PPARGC1B: variants seen among roughly 807,000 people sequenced by gnomAD.
PPARGC1B encodes peroxisome proliferator-activated receptor gamma coactivator 1-beta.
A neutral mutation model predicts 101.6 loss-of-function variants in PPARGC1B; 34 were observed. The observed-to-expected ratio is 0.33, with a 90% confidence interval of 0.25 to 0.45. The LOEUF is 0.45. Among genes scored for constraint, PPARGC1B ranks in the 20% least tolerant of loss-of-function variants. The pLI, the probability that PPARGC1B is intolerant of heterozygous loss-of-function variation, is 1.00. For missense variants in PPARGC1B, 1,234 were observed against 1,317.6 expected, an observed-to-expected ratio of 0.94 and a Z score of 0.98; for synonymous variants, 548 against 539.3, an observed-to-expected ratio of 1.02 and a Z score of -0.22.
In PPARGC1B at chr5:149,730,684, C is replaced by T. The variant is rs1349416841; in HGVS notation, c.78+264C>T. On this transcript the variant is annotated intron_variant, in intron 1 of 11. Transcript: ENST00000309241. The surrounding 1 kb of genome is among the most constrained non-coding windows in gnomAD (Gnocchi z 4.0). ...CTTGGCCGCTTGGAGTCTGCCACCCCGCGGGCAAAACTGGGGGGTACCGCG... is the reference window on the plus strand; with the variant it reads ...CTTGGCCGCTTGGAGTCTGCCACCCTGCGGGCAAAACTGGGGGGTACCGCG... Among the ~76,000 whole-genome samples, 3 of 152,162 alleles carry T rather than the reference C, an allele frequency of 2.0e-5. No individual in the cohort carries two copies. Among genetic ancestry groups the T allele is most frequent in the Admixed American group, 1.3e-4 (2 of 15,292 alleles).
chr5:149,819,950 A>G (rs1441308978), intron 1 of PPARGC1B, among the ~76,000 whole-genome samples: 2 of 152,218 alleles, frequency 1.3e-5, no homozygotes, highest in East Asian at 3.8e-4. Flanking sequence ...ATATATTCCT[A>G]TAAAATTCCT....
chr5:149,771,861 A>G, intron 1 of PPARGC1B: 1 of 512,908 alleles, frequency 1.9e-6, no homozygotes, highest in Non-Finnish European at 3.2e-6. Flanking sequence ...CCAGGAAGTA[A>G]ATATCCCCAC....
At chr5:149,830,403 G>C (rs1561603044) in intron 3 of PPARGC1B, among the ~76,000 whole-genome samples, 1 of 151,156 alleles carries the variant, frequency 6.6e-6, no homozygotes, top group Non-Finnish European at 1.5e-5. Context: ...TTGTGTGTAT[G>C]TGTGTGTGTG....
intron 1 of PPARGC1B, among the ~76,000 whole-genome samples, chr5:149,766,458 A>C (rs965482518): frequency 6.6e-6 from 1 of 152,216 alleles, no homozygotes; most frequent in East Asian, 1.9e-4. Flanking sequence ...TATTAGTGTC[A>C]TGTATTTCAA....
At chr5:149,758,891 G>A (rs1027762251) in intron 1 of PPARGC1B, among the ~76,000 whole-genome samples, 1 of 152,016 alleles carries the variant, frequency 6.6e-6, no homozygotes. Context: ...CAATAACGGT[G>A]GTTCATATAA....
intron 1 of PPARGC1B, among the ~76,000 whole-genome samples, chr5:149,817,027 C>A (rs1247902805): frequency 6.6e-6 from 1 of 152,184 alleles, no homozygotes; most frequent in Non-Finnish European, 1.5e-5. Flanking sequence ...CCATTTCCTC[C>A]ATCCCCCACC....
intron 1 of PPARGC1B, among the ~76,000 whole-genome samples, chr5:149,740,452 A>C (rs1410267430): frequency 1.3e-5 from 2 of 152,134 alleles, no homozygotes; most frequent in Non-Finnish European, 2.9e-5. Flanking sequence ...CGAGGCCCTG[A>C]GGTTCTTCTT....
chr5:149,838,014 T>C (rs1197877047), intron 8 of PPARGC1B, among the ~76,000 whole-genome samples: 2 of 152,026 alleles, frequency 1.3e-5, no homozygotes, highest in African/African-American at 4.8e-5. Context: ...TTCCAACAAG[T>C]CCCCAGGTGA....
intron 1 of PPARGC1B, among the ~76,000 whole-genome samples, chr5:149,781,027 A>G (rs1756578423): frequency 6.6e-6 from 1 of 152,142 alleles, no homozygotes; most frequent in African/African-American, 2.4e-5. Context: ...AACATGGTGA[A>G]ACCCCCATCT....
In PPARGC1B at chr5:149,832,974, C is replaced by A; in HGVS notation, c.901C>A (p.Gln301Lys). 1 of 1,613,470 alleles carries A rather than the reference C, an allele frequency of 6.2e-7. No homozygotes were observed. Among genetic ancestry groups the A allele is most frequent in the Non-Finnish European group, 8.5e-7 (1 of 1,180,016 alleles). Residue 301 changes from glutamine to lysine, a missense_variant, in exon 5 of 12, where the codon CAG becomes AAG. Coordinates refer to ENST00000309241, the MANE Select transcript of PPARGC1B (RefSeq NM_133263.4). This position sits in a 1 kb window ranked among gnomAD's most constrained non-coding sequence, Gnocchi z 4.9. ...CTACATGCACACCTACTGCCTCCCC[C>A]AGAGGAAGCTGCCCCCACAGACCCC... ...IRYMHTYCLP[Q>K]RKLPPQTPEP...
chr5:149,760,381 C>G (rs576804144), intron 1 of PPARGC1B, among the ~76,000 whole-genome samples: 1 of 152,344 alleles, frequency 6.6e-6, no homozygotes, highest in African/African-American at 2.4e-5. Context: ...TTTTGACCAA[C>G]TCACCTGGAT....
chr5:149,800,349 G>A (rs1024145393), intron 1 of PPARGC1B, among the ~76,000 whole-genome samples: 7 of 152,200 alleles, frequency 4.6e-5, no homozygotes, highest in South Asian at 4.1e-4. Context: ...GGTGGTCATT[G>A]CAGGTCGCTA....
chr5:149,769,596 T>C (rs1756048759), intron 1 of PPARGC1B, among the ~76,000 whole-genome samples: 1 of 152,172 alleles, frequency 6.6e-6, no homozygotes, highest in Non-Finnish European at 1.5e-5. Context: ...GAATGGGGGC[T>C]GTAGTGACTT....
intron 1 of PPARGC1B, among the ~76,000 whole-genome samples, chr5:149,785,915 C>CTTT (rs10622982): frequency 1.2e-4 from 17 of 140,394 alleles, no homozygotes; most frequent in Non-Finnish European, 1.4e-4. Context: ...GACACTCATT[C>CTTT]TTTTTTTTTT....
At position 149,767,692 on chromosome 5, in the gene PPARGC1B, A is replaced by G. The variant is rs558641203; in HGVS notation, c.78+37272A>G. On this transcript the variant is annotated intron_variant, in intron 1 of 11. Transcript: ENST00000309241. ...CTGAACATTCTCACTGGGGTATCCC[A>G]TTCCCTTTGGACATCTGGCAGGATC... Among the ~76,000 whole-genome samples, 5 of 152,212 alleles carry G rather than the reference A, an allele frequency of 3.3e-5. No individual in the cohort carries two copies. In the East Asian group the frequency reaches 7.7e-4, roughly 24 times the overall value.
rs866021538 is a variant in PPARGC1B at position 149,835,431 on chromosome 5, A to T, written c.1807+66A>T. On this transcript the variant is annotated intron_variant, in intron 7 of 11. Transcript: ENST00000309241. ...ACACCCGTGCATCTCTGAGTTTTTCATCATGCATGGGCAAGGTGCCACGCA... is the reference window on the plus strand; with the variant it reads ...ACACCCGTGCATCTCTGAGTTTTTCTTCATGCATGGGCAAGGTGCCACGCA... 2.1e-6 allele frequency: 3 copies of T among 1,428,714 alleles called. 1 individual carries two copies. Among genetic ancestry groups the T allele is most frequent in the Middle Eastern group, 3.5e-4 (2 of 5,714 alleles). The allele number at this position is 1,428,714 out of a possible 1,614,324, so 88.5% of individuals were successfully genotyped here.
intron 1 of PPARGC1B, among the ~76,000 whole-genome samples, chr5:149,761,051 T>C (rs952330169): frequency 2.0e-5 from 3 of 152,190 alleles, no homozygotes; most frequent in Non-Finnish European, 4.4e-5. Context: ...GCAGACTGCT[T>C]GGGGTCTAAT....
At chr5:149,756,017 C>T (rs1755508436) in intron 1 of PPARGC1B, among the ~76,000 whole-genome samples, 1 of 152,116 alleles carries the variant, frequency 6.6e-6, no homozygotes, top group South Asian at 2.1e-4. Context: ...CCTTGCTCTG[C>T]CCTCGTTTGC....
chr5:149,832,632 A>C lies in PPARGC1B; in HGVS notation c.583-24A>C, dbSNP rs1581108827. On this transcript the variant is annotated intron_variant, in intron 4 of 11. Transcript: ENST00000309241. The surrounding 1 kb of genome is among the most constrained non-coding windows in gnomAD (Gnocchi z 4.9). ...GAGGAGTGTTTGGGCCTCCTTCCTC[A>C]CTCTGGCCTCTCTCCCTCTCTAGGC... 4.0e-6 allele frequency: 6 copies of C among 1,508,718 alleles called. No homozygotes were observed. The highest frequency in any genetic ancestry group is 5.3e-6 in the Non-Finnish European group (6 of 1,125,478). 93.5% of individuals were successfully genotyped at this position (1,508,718 alleles called of 1,614,324 possible). A position where few individuals can be genotyped will look rare whatever the true frequency, so the allele number is the denominator to read the frequency against.
Sources: allele counts gnomAD v4.1 joint callset (sites outside exome capture counted in the v4.1 genomes callset), GRCh38; gene constraint gnomAD v4.1.1; non-coding constraint Gnocchi (gnomAD v3.1); transcripts MANE v1.5; gene names NCBI Gene and HGNC (gene_info 2026-07-23, HGNC 2026-07-21).